MTA2: variants seen among roughly 807,000 people sequenced by gnomAD.
MTA2 encodes the protein metastasis associated 1 family member 2.
In MTA2, 22 loss-of-function variants were observed where a neutral mutation model predicts 87.1. That is an observed-to-expected ratio of 0.25 (90% CI 0.18 to 0.36). MTA2 has a LOEUF of 0.36. MTA2 is among the 10% of genes least tolerant of loss of function. The pLI is 1.00. For synonymous variants in MTA2, 314 were observed against 310.1 expected, an observed-to-expected ratio of 1.01 and a Z score of -0.13; for missense variants, 542 against 853.2, an observed-to-expected ratio of 0.64 and a Z score of 4.54.
chr11:62,599,882 T>C (rs2134327198), intron 3 of MTA2, among the ~76,000 whole-genome samples: 1 of 152,200 alleles, frequency 6.6e-6, no homozygotes, highest in East Asian at 1.9e-4. Context: ...ACTGCCCCCC[T>C]TTAGAAAACC....
chr11:62,595,754 T>C lies in MTA2; in HGVS notation c.1252A>G (p.Thr418Ala), dbSNP rs756004779. ...TQLEGATRGTTEPHSRGHLSR... is the reference protein window; with the variant it reads ...TQLEGATRGTAEPHSRGHLSR... ...CTTTTCTTCCCACTGATCCTTACCGTGGTGCCCCGAGTGGCCCCCTCAAGC... is the reference window on the plus strand; with the variant it reads ...CTTTTCTTCCCACTGATCCTTACCGCGGTGCCCCGAGTGGCCCCCTCAAGC... The change falls in exon 13 of 18, where the codon ACG becomes GCG. Residue 418 changes from threonine (T) to alanine (A), a missense_variant and splice_region_variant. Thr to Ala is a moderately conservative substitution (Grantham distance 58). Around this residue, in one of 6 missense-constraint regions of MTA2, gnomAD observed 269 missense variants for 346.4 expected, o/e 0.78. Transcript: ENST00000278823. The surrounding 1 kb of genome is among the most constrained non-coding windows in gnomAD (Gnocchi z 4.9). The C allele has an allele frequency of 4.3e-6, 7 of 1,614,174 alleles. No homozygotes were observed. The East Asian group carries it at 1.3e-4, about 31-fold the overall frequency.
chr11:62,598,879 G>A (rs1206504053), intron 3 of MTA2, among the ~76,000 whole-genome samples: 1 of 152,126 alleles, frequency 6.6e-6, no homozygotes, highest in Non-Finnish European at 1.5e-5. Context: ...TACGAAGAAT[G>A]CTCTAGAAAT....
Position 62,593,611 on chromosome 11 carries a change from C to T in MTA2, c.*264G>A, listed in dbSNP as rs995635916. 4.7e-6 allele frequency: 2 copies of T among 428,480 alleles called. No homozygotes were observed. The highest frequency in any genetic ancestry group is 4.1e-5 in the African/African-American group (2 of 48,706). The allele number at this position is 428,480 out of a possible 1,614,324, so 26.5% of individuals were successfully genotyped here. A position where few individuals can be genotyped will look rare whatever the true frequency, so the allele number is the denominator to read the frequency against. ...CTCCCCCCAAAACTGTCCAAGACATCTGTGGGTCCTACCCCCCAAAACAGG... is the reference window on the plus strand; with the variant it reads ...CTCCCCCCAAAACTGTCCAAGACATTTGTGGGTCCTACCCCCCAAAACAGG... On this transcript the variant is annotated 3_prime_UTR_variant, in exon 18 of 18. Coordinates refer to ENST00000278823, the MANE Select transcript of MTA2 (RefSeq NM_004739.4).
At chr11:62,599,383 C>G (rs1051298807) in intron 3 of MTA2, 1 of 152,318 alleles carries the variant, frequency 6.6e-6, no homozygotes, top group African/African-American at 2.4e-5. Flanking sequence ...GACCACACCC[C>G]CAACACCCCT....
chr11:62,595,994 TG>T lies in MTA2; in HGVS notation c.1114+15del. On this transcript the variant is annotated intron_variant, in intron 12 of 17. Coordinates refer to ENST00000278823, the MANE Select transcript of MTA2 (RefSeq NM_004739.4). The surrounding 1 kb of genome is among the most constrained non-coding windows in gnomAD (Gnocchi z 4.9). ...CTTCCACCCATCCCCACCATCCCAG[TG>T]CCCCCGTAACTCACTGTGGCAACTC... 6.2e-7 allele frequency: 1 copy of T among 1,614,108 alleles called. No individual in the cohort carries two copies. Among genetic ancestry groups the T allele is most frequent in the Non-Finnish European group, 8.5e-7 (1 of 1,179,972 alleles).
In MTA2 at chr11:62,598,576, T is replaced by C. The variant is rs1942130707; in HGVS notation, c.254A>G (p.His85Arg). 2 of 1,614,040 alleles carry C rather than the reference T, an allele frequency of 1.2e-6. No individual in the cohort carries two copies. The highest frequency in any genetic ancestry group is 2.7e-5 in the African/African-American group (2 of 74,910). Reference protein sequence around the residue: ...VSEQQRHQLKHRELFLSRQFE... With the variant: ...VSEQQRHQLKRRELFLSRQFE... ...TTGCCGAGAAAGAAAAAGTTCCCGG[T>C]GCTTCAGTTGATGGCGCTGCTGCTC... The change falls in exon 4 of 18, where the codon CAC (histidine) becomes CGC (arginine). Residue 85 changes from histidine (H) to arginine (R), a missense_variant. Around this residue, in one of 6 missense-constraint regions of MTA2, gnomAD observed 150 missense variants for 243.9 expected, o/e 0.62. Transcript: ENST00000278823.
intron 6 of MTA2, 74 bp from the exon 7 acceptor site, chr11:62,597,786 C>T: frequency 8.4e-7 from 1 of 1,196,220 alleles, no homozygotes; most frequent in East Asian, 2.3e-5. Context: ...TTCACAATAG[C>T]ACCTCCTCCT....
intron 1 of MTA2, 173 bp downstream of exon 1, chr11:62,601,250 C>T: frequency 2.5e-6 from 2 of 800,086 alleles, no homozygotes; most frequent in Non-Finnish European, 3.9e-6. Flanking sequence ...GGAGCCCTGC[C>T]GCGTCGCGGT....
rs912104667 is a variant in MTA2, at chr11:62,598,664, C to G, written c.191-25G>C. On this transcript the variant is annotated intron_variant, in intron 3 of 17. Transcript: ENST00000278823. ...CCTGGGAGATTAAAGAGGAAGAAACCAAGTCAGAAATGGATCCAGCAAAAC... is the reference window on the plus strand; with the variant it reads ...CCTGGGAGATTAAAGAGGAAGAAACGAAGTCAGAAATGGATCCAGCAAAAC... 4.4e-6 allele frequency: 7 copies of G among 1,598,826 alleles called. No individual in the cohort carries two copies. The East Asian group carries it at 6.7e-5, about 15-fold the overall frequency.
chr11:62,600,383 G>A, intron 2 of MTA2, 124 bp from the exon 3 acceptor site: 1 of 880,362 alleles, frequency 1.1e-6, no homozygotes, highest in Non-Finnish European at 1.8e-6. Flanking sequence ...AAAAGCCCAA[G>A]AAAATATGAG....
chr11:62,601,642 T>G lies in MTA2; in HGVS notation c.-192A>C. The stretch of plus-strand genomic sequence containing the variant: ...CGGCCCGCGCTGTCGCCGCCGCAGC[T>G]ATCGCCTCACTCCCGGGACGCTGAG... On this transcript the variant is annotated 5_prime_UTR_variant, in exon 1 of 18. Transcript: ENST00000278823. 1.7e-6 allele frequency: 1 copy of G among 596,532 alleles called. No homozygotes were observed. The highest frequency in any genetic ancestry group is 2.8e-6 in the Non-Finnish European group (1 of 357,758). 37.0% of individuals were successfully genotyped at this position (596,532 alleles called of 1,614,324 possible). A position where few individuals can be genotyped will look rare whatever the true frequency, so the allele number is the denominator to read the frequency against.
At position 62,593,734 on chromosome 11, in the gene MTA2, C is replaced by T; in HGVS notation, c.*141G>A. On this transcript the variant is annotated 3_prime_UTR_variant, in exon 18 of 18. Coordinates refer to ENST00000278823, the MANE Select transcript of MTA2 (RefSeq NM_004739.4). ...CGAGGTGGTAACACCAGAGGGCGCCCAACCCCTCCAGGGACACACACTCAC... is the reference window on the plus strand; with the variant it reads ...CGAGGTGGTAACACCAGAGGGCGCCTAACCCCTCCAGGGACACACACTCAC... 1 of 1,084,202 alleles carries T rather than the reference C, an allele frequency of 9.2e-7. No individual in the cohort carries two copies. Among genetic ancestry groups the T allele is most frequent in the Non-Finnish European group, 1.3e-6 (1 of 764,288 alleles). The allele number at this position is 1,084,202 out of a possible 1,614,324, so 67.2% of individuals were successfully genotyped here. A position where few individuals can be genotyped will look rare whatever the true frequency, so the allele number is the denominator to read the frequency against.
At position 62,593,571 on chromosome 11, in the gene MTA2, A is replaced by G. The variant is rs958054751; in HGVS notation, c.*304T>C. The G allele has an allele frequency of 2.5e-5, 6 of 244,020 alleles. No homozygotes were observed. The Admixed American group carries it at 2.5e-4, about 10-fold the overall frequency. 15.1% of individuals were successfully genotyped at this position (244,020 alleles called of 1,614,324 possible). A position where few individuals can be genotyped will look rare whatever the true frequency, so the allele number is the denominator to read the frequency against. ...TTCACAAAGGGAGGCAAAATTTTTAAAAAATTAAAAAACCCTCCCCCCAAA... is the reference window on the plus strand; with the variant it reads ...TTCACAAAGGGAGGCAAAATTTTTAGAAAATTAAAAAACCCTCCCCCCAAA... On this transcript the variant is annotated 3_prime_UTR_variant, in exon 18 of 18. Coordinates refer to ENST00000278823, the MANE Select transcript of MTA2 (RefSeq NM_004739.4).
At chr11:62,600,115 C>A (rs1942156407) in intron 3 of MTA2, 51 bp downstream of exon 3, 2 of 1,533,326 alleles carry the variant, frequency 1.3e-6, no homozygotes, top group Non-Finnish European at 1.8e-6. Flanking sequence ...AGGGACATGC[C>A]CAGGCCTCAG....
intron 2 of MTA2, 87 bp downstream of exon 2, chr11:62,600,535 A>T: frequency 8.2e-7 from 1 of 1,224,160 alleles, no homozygotes; most frequent in Non-Finnish European, 1.2e-6. Flanking sequence ...ATGGGTACTT[A>T]GTATAGGATC....
chr11:62,597,454 T>C, intron 7 of MTA2, 39 bp from the exon 8 acceptor site: 1 of 1,586,104 alleles, frequency 6.3e-7, no homozygotes, highest in Admixed American at 1.8e-5. Context: ...GAAAGAAAAG[T>C]CAAAAGCCCA....
At chr11:62,596,408 C>G (rs1467384500) in intron 10 of MTA2, 50 bp downstream of exon 10, 1 of 1,612,670 alleles carries the variant, frequency 6.2e-7, no homozygotes, top group Non-Finnish European at 8.5e-7. Context: ...ACTTCAAAGG[C>G]AGAGGTCAGC....
In MTA2 at chr11:62,595,400, C is replaced by T; in HGVS notation, c.1347G>A (p.Lys449=). 6.2e-7 allele frequency: 1 copy of T among 1,614,234 alleles called. No homozygotes were observed. Among genetic ancestry groups the T allele is most frequent in the Non-Finnish European group, 8.5e-7 (1 of 1,180,052 alleles). Reference sequence around the variant, plus strand: ...TCTGAAGCAGGAAAGTTTGTCTGTTCTTAGCCAGTAGCTTGGCCCTGTTGG... The same window carrying T: ...TCTGAAGCAGGAAAGTTTGTCTGTTTTTAGCCAGTAGCTTGGCCCTGTTGG... The part of the protein sequence containing the change: ...TSANRAKLLA[K]NRQTFLLQTT... The change falls in exon 14 of 18, where the codon AAG becomes AAA. Residue 449 remains lysine (K), a synonymous_variant. Transcript: ENST00000278823. The surrounding 1 kb of genome is among the most constrained non-coding windows in gnomAD (Gnocchi z 4.9).
chr11:62,595,737 C>G lies in MTA2; in HGVS notation c.1254+15G>C. The G allele has an allele frequency of 1.9e-6, 3 of 1,613,348 alleles. No individual in the cohort carries two copies. The highest frequency in any genetic ancestry group is 2.5e-6 in the Non-Finnish European group (3 of 1,179,602). ...CTTACTGCTCTCCCCTGCTTTTCTT[C>G]CCACTGATCCTTACCGTGGTGCCCC... On this transcript the variant is annotated intron_variant, in intron 13 of 17. Coordinates refer to ENST00000278823, the MANE Select transcript of MTA2 (RefSeq NM_004739.4). The surrounding 1 kb of genome is among the most constrained non-coding windows in gnomAD (Gnocchi z 4.9).
Sources: allele counts gnomAD v4.1 joint callset (sites outside exome capture counted in the v4.1 genomes callset), GRCh38; gene constraint gnomAD v4.1.1; regional missense constraint gnomAD v4.1.1; non-coding constraint Gnocchi (gnomAD v3.1); transcripts MANE v1.5; gene names NCBI Gene and HGNC (gene_info 2026-07-23, HGNC 2026-07-21).